DOCK5: variants seen among roughly 807,000 people sequenced by gnomAD.
DOCK5 encodes dedicator of cytokinesis 5, also known as dedicator of cytokinesis protein 5.
DOCK5 carries 142 observed loss-of-function variants against 251.8 expected under a neutral mutation model. That is an observed-to-expected ratio of 0.56 (90% CI 0.49 to 0.65). DOCK5 has a LOEUF of 0.65. Ranked by LOEUF, DOCK5 falls within the 30% of genes least tolerant of loss-of-function variation. The probability of loss-of-function intolerance (pLI) is 0.00; values close to 1 mark genes in which losing one functional copy is unlikely to be tolerated. For synonymous variants in DOCK5, 842 were observed against 835.5 expected (o/e 1.01, Z -0.13); for missense variants, 2,111 against 2,312.3 (o/e 0.91, Z 1.79).
At chr8:25,254,753 G>A (rs1371050707) in intron 2 of DOCK5, among the ~76,000 whole-genome samples, 2 of 83,042 alleles carry the variant, frequency 2.4e-5, no homozygotes, top group South Asian at 4.4e-4. Flanking sequence ...CCAGCCTGGC[G>A]ACAAAGCAAG....
intron 37 of DOCK5, chr8:25,375,599 C>G: frequency 1.3e-6 from 1 of 795,394 alleles, no homozygotes; most frequent in Non-Finnish European, 1.5e-6. Context: ...CATGTCACAC[C>G]TTGAGCACTA....
At chr8:25,219,409 C>G (rs1449407374) in intron 1 of DOCK5, among the ~76,000 whole-genome samples, 1 of 152,102 alleles carries the variant, frequency 6.6e-6, no homozygotes. Context: ...CTCTTTATAT[C>G]TCTGTCCATG....
chr8:25,324,659 T>C (rs937393500), intron 17 of DOCK5, among the ~76,000 whole-genome samples: 6 of 152,234 alleles, frequency 3.9e-5, no homozygotes, highest in African/African-American at 1.4e-4. Context: ...ATTTTTTAAT[T>C]ACACTTCAAG....
At chr8:25,340,627 A>G (rs1313585179) in intron 22 of DOCK5, among the ~76,000 whole-genome samples, 1 of 152,222 alleles carries the variant, frequency 6.6e-6, no homozygotes, top group East Asian at 1.9e-4. Flanking sequence ...GCAGGCCAGC[A>G]TCGGCACGGG....
rs953503717 is a variant in DOCK5, at chr8:25,382,750, A to G, written c.4103A>G (p.Tyr1368Cys). Residue 1368 changes from tyrosine to cysteine, a missense_variant, in exon 40 of 52, where the codon TAT becomes TGT. Tyr to Cys is a radical substitution (Grantham distance 194). This residue lies in a region of DOCK5 where 1,717 missense variants were observed against 1,892.4 expected (regional missense o/e 0.91). Transcript: ENST00000276440. ...CCTGAATACTTTGCTGTTGGATACTATGGACAGGGCTTTCCTTCTTTCCTA... is the reference window on the plus strand; with the variant it reads ...CCTGAATACTTTGCTGTTGGATACTGTGGACAGGGCTTTCCTTCTTTCCTA... ...PQPEYFAVGY[Y>C]GQGFPSFLRN... is the part of the protein sequence containing the mutation. 3.1e-6 allele frequency: 5 copies of G among 1,613,644 alleles called. No homozygotes were observed. Among genetic ancestry groups the G allele is most frequent in the East Asian group, 2.2e-5 (1 of 44,882 alleles).
At chr8:25,394,770 C>T (rs150089829) in intron 44 of DOCK5, among the ~76,000 whole-genome samples, 53 of 152,240 alleles carry the variant, frequency 3.5e-4, no homozygotes, top group African/African-American at 1.2e-3. Context: ...ACCATAGCTC[C>T]AATGTTTAAG....
chr8:25,369,455 A>G, intron 33 of DOCK5, 101 bp from the exon 34 acceptor site: 6 of 918,210 alleles, frequency 6.5e-6, no homozygotes, highest in Non-Finnish European at 1.0e-5. Context: ...TGCTGGAAAC[A>G]GTTCACAACT....
At chr8:25,380,189 C>A (rs374610613) in intron 38 of DOCK5, 116 bp from the exon 39 acceptor site, 2 of 831,138 alleles carry the variant, frequency 2.4e-6, no homozygotes, top group East Asian at 2.7e-5. Context: ...GAATATCTAC[C>A]GAAACTCAAT....
chr8:25,261,677 A>T (rs145011585), intron 2 of DOCK5, among the ~76,000 whole-genome samples: 49 of 152,356 alleles, frequency 3.2e-4, no homozygotes, highest in African/African-American at 1.2e-3. Context: ...GTTTTATCAA[A>T]TGAATGCAGC....
In DOCK5 at chr8:25,261,015, G is replaced by C. The variant is rs79342746; in HGVS notation, c.128-7830G>C. 3.9e-3 allele frequency among the ~76,000 whole-genome samples: 595 copies of C among 151,988 alleles called. 4 individuals carry two copies. Among genetic ancestry groups the C allele is most frequent in the African/African-American group, 0.014 (561 of 41,468 alleles). On this transcript the variant is annotated intron_variant, in intron 2 of 51. Transcript: ENST00000276440. Reference sequence around the variant, plus strand: ...ACAGGATTTTGGCTATGTTCCCCAGGCTGGTCTCCCACCTCAGCCTCCCAA... The same window carrying C: ...ACAGGATTTTGGCTATGTTCCCCAGCCTGGTCTCCCACCTCAGCCTCCCAA...
intron 37 of DOCK5, chr8:25,376,630 T>C (rs1054593739): frequency 6.4e-6 from 1 of 155,302 alleles, no homozygotes; most frequent in Admixed American, 6.5e-5. Flanking sequence ...AGAATTTACA[T>C]GTTAATGAAA....
chr8:25,319,349 G>A (rs1805358149), intron 14 of DOCK5, among the ~76,000 whole-genome samples: 1 of 152,122 alleles, frequency 6.6e-6, no homozygotes, highest in Admixed American at 6.5e-5. Context: ...ATATTTAGGC[G>A]GTGCTGGGTT....
intron 41 of DOCK5, among the ~76,000 whole-genome samples, chr8:25,389,865 T>G (rs1801226720): frequency 6.6e-6 from 1 of 152,132 alleles, no homozygotes; most frequent in Non-Finnish European, 1.5e-5. Flanking sequence ...CTGATTCTGG[T>G]GATTTCAGAG....
At chr8:25,395,496 T>G in intron 44 of DOCK5, 47 bp from the exon 45 acceptor site, 1 of 1,574,216 alleles carries the variant, frequency 6.4e-7, no homozygotes, top group Non-Finnish European at 8.6e-7. Context: ...CAGTCTTTAC[T>G]TGGAGCTGAC....
rs1586339939 is a variant in DOCK5 at position 25,336,295 on chromosome 8, C to T, written c.2249C>T (p.Thr750Ile). 1.2e-6 allele frequency: 2 copies of T among 1,613,942 alleles called. No individual in the cohort carries two copies. The highest frequency in any genetic ancestry group is 3.3e-5 in the Admixed American group (2 of 60,028). The change falls in exon 22 of 52, where the codon ACT (threonine) becomes ATT (isoleucine). Residue 750 changes from threonine to isoleucine, a missense_variant. By Grantham distance (89) the Thr-to-Ile change is moderately conservative (BLOSUM62 -1). Coordinates refer to ENST00000276440, the MANE Select transcript of DOCK5 (RefSeq NM_024940.8). ...GCTAATGCAGATGACTCCAGCAAGA[C>T]TGAACTGCTTTTTGCTGCGTTGAAA... ...YVANADDSSK[T>I]ELLFAALKAL...
Position 25,411,554 on chromosome 8 carries a change from T to C in DOCK5, c.*256T>C, listed in dbSNP as rs1367735576. On this transcript the variant is annotated 3_prime_UTR_variant, in exon 52 of 52. Transcript: ENST00000276440. ...GCCTCTGATTTTTTCCAAGAAGAGA[T>C]TGCCTTCACCATTGTTAAATGTCAG... is the stretch of plus-strand genomic sequence containing the variant. The C allele has an allele frequency of 1.6e-5, 6 of 384,728 alleles. No homozygotes were observed. The highest frequency in any genetic ancestry group is 8.1e-5 in the South Asian group (1 of 12,364). 23.8% of individuals were successfully genotyped at this position (384,728 alleles called of 1,614,324 possible). A position where few individuals can be genotyped will look rare whatever the true frequency, so the allele number is the denominator to read the frequency against.
intron 44 of DOCK5, 96 bp downstream of exon 44, chr8:25,392,978 G>C (rs1801287182): frequency 9.2e-7 from 1 of 1,084,266 alleles, no homozygotes; most frequent in Non-Finnish European, 1.4e-6. Context: ...ACACCAGCTT[G>C]GCCAGCCTCC....
rs1341993816 is a variant in DOCK5, at chr8:25,184,943, A to T, written c.35A>T (p.Tyr12Phe). The T allele has an allele frequency of 6.9e-7, 1 of 1,439,838 alleles. No homozygotes were observed. The highest frequency in any genetic ancestry group is 1.5e-5 in the South Asian group (1 of 67,074). 89.2% of individuals were successfully genotyped at this position (1,439,838 alleles called of 1,614,324 possible). A position where few individuals can be genotyped will look rare whatever the true frequency, so the allele number is the denominator to read the frequency against. ...ARWIPTKRQKYGVAIYNYNAS... is the reference protein window; with the variant it reads ...ARWIPTKRQKFGVAIYNYNAS... ...TGGATCCCGACCAAGAGGCAGAAGTACGGGGTTGGTGAGTGCGCGCCCCAC... is the reference window on the plus strand; with the variant it reads ...TGGATCCCGACCAAGAGGCAGAAGTTCGGGGTTGGTGAGTGCGCGCCCCAC... Residue 12 changes from tyrosine (Y) to phenylalanine (F), a missense_variant, in exon 1 of 52, where the codon TAC becomes TTC. By Grantham distance (22) the Tyr-to-Phe change is conservative. Transcript: ENST00000276440.
rs34576741 is a variant in DOCK5 at position 25,296,570 on chromosome 8, C to T, written c.528C>T (p.Asp176=). The change falls in exon 7 of 52, where the codon GAC becomes GAT. Residue 176 remains aspartate, a synonymous_variant. Coordinates refer to ENST00000276440, the MANE Select transcript of DOCK5 (RefSeq NM_024940.8). ...ACAATGGGAACATCCTAGACCCTGA[C>T]GAAACCAGCACCATTGCCCTCTTCA... The part of the protein sequence containing the change: ...RDDNGNILDP[D]ETSTIALFKA... 2.1e-3 allele frequency: 3,313 copies of T among 1,612,260 alleles called. 5 individuals are homozygous for T. Among genetic ancestry groups the T allele is most frequent in the Non-Finnish European group, 2.6e-3 (3,036 of 1,179,184 alleles).
Sources: allele counts gnomAD v4.1 joint callset (sites outside exome capture counted in the v4.1 genomes callset), GRCh38; gene constraint gnomAD v4.1.1; regional missense constraint gnomAD v4.1.1; transcripts MANE v1.5; gene names NCBI Gene and HGNC (gene_info 2026-07-23, HGNC 2026-07-21).